Variants in GPR149 observed in about 807,000 individuals in gnomAD.
The protein encoded by GPR149 is probable G protein-coupled receptor 149.
A neutral mutation model predicts 50.2 loss-of-function variants in GPR149; 50 were observed. The ratio of observed to expected loss-of-function variants is 1.00; its 90% CI spans 0.79 to 1.26. The LOEUF is 1.26. Ranked by LOEUF, GPR149 falls within the 50% of genes most tolerant of loss-of-function variation. The pLI is 0.00. For synonymous variants in GPR149, 405 were observed against 358.2 expected (o/e 1.13, Z -1.48); for missense variants, 983 against 895.4 (o/e 1.10, Z -1.25).
chr3:154,417,475 G>C (rs1485032333), intron 3 of GPR149, among the ~76,000 whole-genome samples: 2 of 151,794 alleles, frequency 1.3e-5, no homozygotes, highest in South Asian at 2.1e-4. Context: ...TTAAAAAAAA[G>C]CATATTGTAG....
intron 3 of GPR149, among the ~76,000 whole-genome samples, chr3:154,361,557 G>A (rs574093564): frequency 4.6e-5 from 7 of 152,230 alleles, no homozygotes; most frequent in African/African-American, 1.7e-4. Context: ...ATGCACTAAT[G>A]TATATTTTAA....
chr3:154,345,788 A>G (rs1025428288), intron 3 of GPR149, among the ~76,000 whole-genome samples: 2 of 152,210 alleles, frequency 1.3e-5, no homozygotes, highest in African/African-American at 2.4e-5. Flanking sequence ...GATAATCTGA[A>G]TCATTCAATT....
intron 3 of GPR149, among the ~76,000 whole-genome samples, chr3:154,408,290 A>G (rs1316342378): frequency 6.6e-6 from 1 of 152,182 alleles, no homozygotes; most frequent in African/African-American, 2.4e-5. Flanking sequence ...TCCAAGAACT[A>G]CTGCAGGAAC....
intron 3 of GPR149, among the ~76,000 whole-genome samples, chr3:154,397,545 T>C (rs566304656): frequency 6.6e-6 from 1 of 151,430 alleles, no homozygotes; most frequent in African/African-American, 2.4e-5. Context: ...CACTCCCAAT[T>C]ATTCTAATAT....
chr3:154,413,520 G>A (rs1471707160), intron 3 of GPR149, among the ~76,000 whole-genome samples: 1 of 151,612 alleles, frequency 6.6e-6, no homozygotes, highest in African/African-American at 2.4e-5. Flanking sequence ...TCTCAAAAGA[G>A]GATATACAAA....
chr3:154,357,153 C>T (rs753449010), intron 3 of GPR149, among the ~76,000 whole-genome samples: 183 of 152,112 alleles, frequency 1.2e-3, no homozygotes, highest in Non-Finnish European at 2.4e-3. Context: ...AACTGGATCC[C>T]TTCCTTACAC....
intron 3 of GPR149, among the ~76,000 whole-genome samples, chr3:154,411,823 G>T (rs1711841990): frequency 6.6e-6 from 1 of 152,096 alleles, no homozygotes; most frequent in Non-Finnish European, 1.5e-5. Context: ...GATAGAGAAA[G>T]AGAGAGTTCT....
chr3:154,375,230 A>G (rs1206899914), intron 3 of GPR149, among the ~76,000 whole-genome samples: 5 of 152,210 alleles, frequency 3.3e-5, no homozygotes, highest in African/African-American at 1.2e-4. Context: ...AAATGATTTG[A>G]GGACACTTTG....
chr3:154,427,972 A>C (rs1193404908), intron 1 of GPR149, among the ~76,000 whole-genome samples: 1 of 152,192 alleles, frequency 6.6e-6, no homozygotes, highest in East Asian at 1.9e-4. Context: ...AGAAAGGCAC[A>C]GTCTACAACG....
At chr3:154,426,216 G>A (rs911598094) in intron 2 of GPR149, among the ~76,000 whole-genome samples, 8 of 152,060 alleles carry the variant, frequency 5.3e-5, no homozygotes, top group Non-Finnish European at 1.2e-4. Flanking sequence ...AAAGACAAAT[G>A]CATCTGCCAT....
At chr3:154,414,297 A>T (rs143411250) in intron 3 of GPR149, among the ~76,000 whole-genome samples, 1 of 151,990 alleles carries the variant, frequency 6.6e-6, no homozygotes, top group Non-Finnish European at 1.5e-5. Context: ...TGTTCCCTAA[A>T]AACCTATTGA....
chr3:154,390,607 T>C (rs1715146528), intron 3 of GPR149, among the ~76,000 whole-genome samples: 1 of 151,678 alleles, frequency 6.6e-6, no homozygotes, highest in African/African-American at 2.4e-5. Flanking sequence ...ATTATGGGAG[T>C]GTAAGAAGAA....
intron 1 of GPR149, among the ~76,000 whole-genome samples, chr3:154,428,252 C>A (rs1378099109): frequency 1.3e-5 from 2 of 152,174 alleles, no homozygotes; most frequent in African/African-American, 4.8e-5. Context: ...AATGGAACGG[C>A]GAGAAAGGGA....
intron 3 of GPR149, among the ~76,000 whole-genome samples, chr3:154,419,302 T>C (rs1017471398): frequency 1.5e-4 from 23 of 152,118 alleles, no homozygotes; most frequent in Non-Finnish European, 3.2e-4. Flanking sequence ...GACAATGTAC[T>C]TATGTGCAAG....
chr3:154,429,013 GGC>G lies in GPR149; in HGVS notation c.601_602del (p.Ala201LeufsTer85). The G allele has an allele frequency of 6.2e-7, 1 of 1,614,072 alleles. No individual in the cohort carries two copies. Among genetic ancestry groups the G allele is most frequent in the East Asian group, 2.2e-5 (1 of 44,864 alleles). On this transcript the variant is annotated frameshift_variant, in exon 1 of 4. Transcript: ENST00000389740. LOFTEE classifies it high-confidence loss of function. ...VLFLSIVYALAFGLLVGLSVP... is the reference protein window; with the variant it reads ...VLFLSIVYALXFGLLVGLSVP... ...CTGAGAGGCCCACGAGGAGTCCGAAGGCCAAAGCGTACACGATAGAGAGGAAT... is the reference window on the plus strand; with the variant it reads ...CTGAGAGGCCCACGAGGAGTCCGAAGCAAAGCGTACACGATAGAGAGGAAT...
Position 154,360,266 on chromosome 3 carries a change from C to G in GPR149, c.1624-21995G>C, listed in dbSNP as rs144065341. On this transcript the variant is annotated intron_variant, in intron 3 of 3. Transcript: ENST00000389740. ...TGTATGGCCCAAGCTATTTTAATGA[C>G]TATACTAAGGTTTTATTTATCATTT... 7.8e-3 allele frequency among the ~76,000 whole-genome samples: 1,194 copies of G among 152,242 alleles called. 21 individuals are homozygous for G. Among genetic ancestry groups the G allele is most frequent in the African/African-American group, 0.027 (1,141 of 41,530 alleles).
At chr3:154,340,896 A>G (rs1713776356) in intron 3 of GPR149, among the ~76,000 whole-genome samples, 1 of 151,978 alleles carries the variant, frequency 6.6e-6, no homozygotes, top group Non-Finnish European at 1.5e-5. Context: ...TAGTTTCTGT[A>G]TTTTTAGTAG....
At chr3:154,380,184 G>T (rs1714886800) in intron 3 of GPR149, among the ~76,000 whole-genome samples, 1 of 151,318 alleles carries the variant, frequency 6.6e-6, no homozygotes, top group South Asian at 2.1e-4. Flanking sequence ...GAGAGAGAGA[G>T]AGAGAGAGAG....
intron 3 of GPR149, among the ~76,000 whole-genome samples, chr3:154,386,492 G>C (rs1715047434): frequency 6.6e-6 from 1 of 152,180 alleles, no homozygotes; most frequent in Non-Finnish European, 1.5e-5. Flanking sequence ...AAGGCTGTTG[G>C]TACAGACATT....
Sources: allele counts gnomAD v4.1 joint callset (sites outside exome capture counted in the v4.1 genomes callset), GRCh38; gene constraint gnomAD v4.1.1; transcripts MANE v1.5; gene names NCBI Gene and HGNC (gene_info 2026-07-23, HGNC 2026-07-21).